ADGRV1: variants seen among roughly 807,000 people sequenced by gnomAD.
ADGRV1 encodes the protein G-protein coupled receptor 98.
ADGRV1 carries 359 observed loss-of-function variants against 596.2 expected under a neutral mutation model. That is an observed-to-expected ratio of 0.60 (90% CI 0.55 to 0.66). The LOEUF (loss-of-function observed/expected upper bound fraction) is 0.66, where lower values mean the gene tolerates loss of function less well. Ranked by LOEUF, ADGRV1 falls within the 30% of genes least tolerant of loss-of-function variation. ADGRV1 has a pLI of 0.00. For missense variants in ADGRV1, 7,274 were observed against 7,575.6 expected, an observed-to-expected ratio of 0.96 and a Z score of 1.48; for synonymous variants, 2,681 against 2,679.2, an observed-to-expected ratio of 1.00 and a Z score of -0.02.
At position 90,954,181 on chromosome 5, in the gene ADGRV1, T is replaced by TC. The variant is rs1187103044; in HGVS notation, c.17857-11234_17857-11233insC. 1.8e-4 allele frequency among the ~76,000 whole-genome samples: 27 copies of TC among 151,644 alleles called. No homozygotes were observed. The South Asian group carries it at 5.4e-3, about 30-fold the overall frequency. ...TTTCCCAGCCTTGCTTTTTTTTTTT[T>TC]TTTTTAACATCCTATTTATAAAGAT... On this transcript the variant is annotated intron_variant, in intron 83 of 89. Transcript: ENST00000405460.
At chr5:91,018,588 G>A (rs959399857) in intron 85 of ADGRV1, among the ~76,000 whole-genome samples, 35 of 151,922 alleles carry the variant, frequency 2.3e-4, no homozygotes, top group African/African-American at 8.2e-4. Context: ...TTTGCCCTAA[G>A]TCAGCTAAAG....
At chr5:90,747,341 G>C (rs1030926467) in intron 52 of ADGRV1, among the ~76,000 whole-genome samples, 8 of 152,104 alleles carry the variant, frequency 5.3e-5, no homozygotes, top group Non-Finnish European at 1.0e-4. Flanking sequence ...CTGTGTCAGG[G>C]ATCCCCATGA....
rs755316655 is a variant in ADGRV1 at position 90,617,779 on chromosome 5, A to G, written c.208-25A>G. 3.8e-6 allele frequency: 6 copies of G among 1,567,962 alleles called. No homozygotes were observed. The South Asian group carries it at 5.9e-5, about 15-fold the overall frequency. Reference sequence around the variant, plus strand: ...TGTCCTAATACTGTGTTAAATAAGAATGATCTATATTTTGCATTTGATAGC... The same window carrying G: ...TGTCCTAATACTGTGTTAAATAAGAGTGATCTATATTTTGCATTTGATAGC... On this transcript the variant is annotated intron_variant, in intron 2 of 89. Coordinates refer to ENST00000405460, the MANE Select transcript of ADGRV1 (RefSeq NM_032119.4).
At chr5:90,777,028 A>G (rs906792566) in intron 61 of ADGRV1, among the ~76,000 whole-genome samples, 1 of 152,154 alleles carries the variant, frequency 6.6e-6, no homozygotes, top group Non-Finnish European at 1.5e-5. Context: ...ACACTGCTAT[A>G]AAGAACTGCT....
chr5:91,067,911 A>G (rs959312878), intron 85 of ADGRV1, among the ~76,000 whole-genome samples: 1 of 152,188 alleles, frequency 6.6e-6, no homozygotes, highest in Non-Finnish European at 1.5e-5. Flanking sequence ...AGTGTGTTCA[A>G]TATTAAGACC....
chr5:90,826,425 G>A (rs1764079071), intron 76 of ADGRV1, among the ~76,000 whole-genome samples: 2 of 152,130 alleles, frequency 1.3e-5, no homozygotes, highest in Non-Finnish European at 2.9e-5. Context: ...TTCTGATAAT[G>A]GAAGACTTTA....
intron 85 of ADGRV1, among the ~76,000 whole-genome samples, chr5:91,044,546 T>C (rs917187196): frequency 6.6e-6 from 1 of 152,146 alleles, no homozygotes; most frequent in African/African-American, 2.4e-5. Flanking sequence ...TTGCCTTGCT[T>C]TACCACATAC....
At chr5:90,595,792 A>AC (rs1285670042) in intron 1 of ADGRV1, among the ~76,000 whole-genome samples, 65 of 113,576 alleles carry the variant, frequency 5.7e-4, no homozygotes, top group East Asian at 1.2e-3. Context: ...CGGGAGGCTG[A>AC]CCCCCCCACC....
chr5:91,040,071 T>C (rs907536733), intron 85 of ADGRV1, among the ~76,000 whole-genome samples: 3 of 152,068 alleles, frequency 2.0e-5, no homozygotes, highest in African/African-American at 7.2e-5. Flanking sequence ...CCATGCAAAA[T>C]AAAGCCCTTT....
chr5:91,004,307 C>T (rs901843741), intron 85 of ADGRV1, among the ~76,000 whole-genome samples: 8 of 151,838 alleles, frequency 5.3e-5, no homozygotes, highest in African/African-American at 1.5e-4. Context: ...AGGACAGTTT[C>T]GTAATGGAAA....
intron 2 of ADGRV1, 37 bp downstream of exon 2, chr5:90,615,056 G>A: frequency 7.9e-7 from 1 of 1,271,690 alleles, no homozygotes. Context: ...TACTGAAATA[G>A]ATATGACGTT....
At chr5:90,643,065 G>A (rs1767205665) in intron 13 of ADGRV1, 24 bp downstream of exon 13, 3 of 1,570,956 alleles carry the variant, frequency 1.9e-6, no homozygotes, top group Non-Finnish European at 2.6e-6. Context: ...TATTTTCTTT[G>A]TGTTTCTCTG....
intron 1 of ADGRV1, among the ~76,000 whole-genome samples, chr5:90,599,591 A>T (rs1761146085): frequency 6.6e-6 from 1 of 152,230 alleles, no homozygotes. Flanking sequence ...AAGTCATTAA[A>T]AATTGATCTT....
rs1184010778 is a variant in ADGRV1 at position 91,027,144 on chromosome 5, AACACACACAC to A, written c.18152+41659_18152+41668del. 5.2e-3 allele frequency among the ~76,000 whole-genome samples: 669 copies of A among 129,216 alleles called. 5 individuals carry two copies. The highest frequency in any genetic ancestry group is 0.018 in the African/African-American group (608 of 34,468). The allele number at this position is 129,216 out of a possible 152,430, so 84.8% of individuals were successfully genotyped here. On this transcript the variant is annotated intron_variant, in intron 85 of 89. Coordinates refer to ENST00000405460, the MANE Select transcript of ADGRV1 (RefSeq NM_032119.4). Reference sequence around the variant, plus strand: ...GCAACAGAGCAAAACACAGTCTCAAAACACACACACACACACACACACACACACACACACA... The same window carrying A: ...GCAACAGAGCAAAACACAGTCTCAAAACACACACACACACACACACACACA...
Position 90,965,483 on chromosome 5 carries a change from T to G in ADGRV1, c.17925T>G (p.Ala5975=). The G allele has an allele frequency of 6.2e-7, 1 of 1,613,846 alleles. No homozygotes were observed. Among genetic ancestry groups the G allele is most frequent in the Non-Finnish European group, 8.5e-7 (1 of 1,179,722 alleles). ...LAEESCSAMA[A]VTHYLYLCQF... ...AGGAGAGCTGTTCAGCTATGGCTGC[T>G]GTCACACATTACCTGTATCTTTGCC... Residue 5975 remains alanine (A), a synonymous_variant, in exon 84 of 90, where the codon GCT becomes GCG. Transcript: ENST00000405460.
intron 1 of ADGRV1, among the ~76,000 whole-genome samples, chr5:90,596,832 CGAGGGAGAGGGAGAGCGA>C (rs1043849755): frequency 6.7e-6 from 1 of 148,700 alleles, no homozygotes; most frequent in Non-Finnish European, 1.5e-5. Context: ...AGGGAGAGGG[CGAGGGAGAGGGAGAGCGA>C]GAGGGAGAGG....
At chr5:90,783,352 A>G in intron 66 of ADGRV1, 27 bp downstream of exon 66, 2 of 1,392,354 alleles carry the variant, frequency 1.4e-6, no homozygotes, top group Non-Finnish European at 2.0e-6. Flanking sequence ...TAATGTGGGC[A>G]CATATAAGAC....
At chr5:90,872,853 A>G (rs1343232559) in intron 83 of ADGRV1, among the ~76,000 whole-genome samples, 2 of 152,194 alleles carry the variant, frequency 1.3e-5, no homozygotes, top group African/African-American at 4.8e-5. Flanking sequence ...GTCTTCTTGC[A>G]GACAGTTTTA....
At chr5:90,827,500 A>T (rs966192745) in intron 76 of ADGRV1, among the ~76,000 whole-genome samples, 1 of 152,206 alleles carries the variant, frequency 6.6e-6, no homozygotes, top group African/African-American at 2.4e-5. Context: ...AATCATCGTC[A>T]CAATGAAAAA....
Sources: allele counts gnomAD v4.1 joint callset (sites outside exome capture counted in the v4.1 genomes callset), GRCh38; gene constraint gnomAD v4.1.1; transcripts MANE v1.5; gene names NCBI Gene and HGNC (gene_info 2026-07-23, HGNC 2026-07-21).